The following PLCB1 variants were observed in gnomAD, a reference collection of about 807,000 sequenced individuals.
PLCB1 encodes 1-phosphatidylinositol 4,5-bisphosphate phosphodiesterase beta-1.
Under a neutral mutation model 161.8 loss-of-function variants are expected in PLCB1, and 46 were observed. The observed-to-expected ratio is 0.28, with a 90% CI of 0.22 to 0.36. The LOEUF (loss-of-function observed/expected upper bound fraction) is 0.36, where lower values mean the gene tolerates loss of function less well. Ranked by LOEUF, PLCB1 falls within the 10% of genes least tolerant of loss-of-function variation. The pLI, the probability that PLCB1 is intolerant of heterozygous loss-of-function variation, is 1.00. For synonymous variants in PLCB1, 517 were observed against 503.7 expected (o/e 1.03, Z -0.35); for missense variants, 1,016 against 1,472.5 (o/e 0.69, Z 5.07).
At chr20:8,410,869 A>AGAG (rs1979012868) in intron 3 of PLCB1, among the ~76,000 whole-genome samples, 1 of 152,300 alleles carries the variant, frequency 6.6e-6, no homozygotes, top group East Asian at 1.9e-4. Flanking sequence ...TGACACAGAC[A>AGAG]GAGGAGGAGG....
At chr20:8,702,115 T>C (rs1978399285) in intron 11 of PLCB1, among the ~76,000 whole-genome samples, 1 of 152,234 alleles carries the variant, frequency 6.6e-6, no homozygotes, top group African/African-American at 2.4e-5. Flanking sequence ...CCCTGTTTAC[T>C]GTATGGGTCA....
At chr20:8,201,885 C>T (rs993950851) in intron 2 of PLCB1, among the ~76,000 whole-genome samples, 3 of 152,086 alleles carry the variant, frequency 2.0e-5, no homozygotes, top group Non-Finnish European at 4.4e-5. Context: ...CACAGTTTAC[C>T]TACAACATGA....
chr20:8,342,538 G>C lies in PLCB1; in HGVS notation c.178-28844G>C, dbSNP rs139450727. On this transcript the variant is annotated intron_variant, in intron 2 of 31. Coordinates refer to ENST00000338037, the MANE Select transcript of PLCB1 (RefSeq NM_015192.4). ...TCCCACCTGTTCAGTTCCATCTCCAGGATGAACTTTGCCTTCATTACATGA... is the reference window on the plus strand; with the variant it reads ...TCCCACCTGTTCAGTTCCATCTCCACGATGAACTTTGCCTTCATTACATGA... Among the ~76,000 whole-genome samples, 79 of 152,254 alleles carry C rather than the reference G, an allele frequency of 5.2e-4. 1 individual carries two copies. The highest frequency in any genetic ancestry group is 1.7e-3 in the African/African-American group (72 of 41,560).
At chr20:8,732,737 AGAATG>A (rs1980330697) in intron 18 of PLCB1, among the ~76,000 whole-genome samples, 1 of 144,564 alleles carries the variant, frequency 6.9e-6, no homozygotes, top group Non-Finnish European at 1.5e-5. Context: ...AATATATATT[AGAATG>A]ATATATTTAA....
chr20:8,145,461 C>A (rs1600196441), intron 1 of PLCB1, among the ~76,000 whole-genome samples: 1 of 152,176 alleles, frequency 6.6e-6, no homozygotes, highest in East Asian at 1.9e-4. Context: ...TGGTGACATA[C>A]CTCCGCCTGG....
intron 31 of PLCB1, among the ~76,000 whole-genome samples, chr20:8,877,505 C>A (rs1473673245): frequency 6.6e-6 from 1 of 152,128 alleles, no homozygotes; most frequent in African/African-American, 2.4e-5. Flanking sequence ...GTTTGTACTC[C>A]CTTTAGACAG....
chr20:8,627,836 G>A (rs1325722136), intron 3 of PLCB1, among the ~76,000 whole-genome samples: 2 of 152,232 alleles, frequency 1.3e-5, no homozygotes, highest in Non-Finnish European at 2.9e-5. Context: ...AGTACTGACT[G>A]TTGGAGCAGG....
chr20:8,730,949 G>T (rs1275496391), intron 18 of PLCB1, among the ~76,000 whole-genome samples: 2 of 151,314 alleles, frequency 1.3e-5, no homozygotes, highest in East Asian at 1.9e-4. Context: ...CCTATTTTTT[G>T]CAGTACATTC....
At chr20:8,648,160 T>A (rs1346165444) in intron 6 of PLCB1, among the ~76,000 whole-genome samples, 1 of 152,146 alleles carries the variant, frequency 6.6e-6, no homozygotes, top group African/African-American at 2.4e-5. Context: ...CTGGCATTAT[T>A]TTCAAGAAAT....
chr20:8,775,491 A>G (rs1021418754), intron 27 of PLCB1, among the ~76,000 whole-genome samples: 2 of 152,172 alleles, frequency 1.3e-5, no homozygotes, highest in African/African-American at 4.8e-5. Flanking sequence ...TAAGCTGTCT[A>G]TTTCTTTGCT....
chr20:8,601,377 C>T (rs1397559361), intron 3 of PLCB1, among the ~76,000 whole-genome samples: 2 of 152,164 alleles, frequency 1.3e-5, no homozygotes, highest in African/African-American at 4.8e-5. Flanking sequence ...TCCTCCCACC[C>T]TGCACCCTCT....
intron 3 of PLCB1, among the ~76,000 whole-genome samples, chr20:8,625,756 A>G (rs1013422036): frequency 6.6e-6 from 1 of 152,152 alleles, no homozygotes; most frequent in African/African-American, 2.4e-5. Flanking sequence ...CCAGATGTAG[A>G]ATCATGTGGT....
chr20:8,327,511 A>G (rs923130920), intron 2 of PLCB1, among the ~76,000 whole-genome samples: 1 of 152,222 alleles, frequency 6.6e-6, no homozygotes, highest in Non-Finnish European at 1.5e-5. Context: ...CAAGAGTTCA[A>G]CCAACAGACT....
In PLCB1 at chr20:8,708,763, A is replaced by G; in HGVS notation, c.1250+11A>G. On this transcript the variant is annotated intron_variant, in intron 12 of 31. Transcript: ENST00000338037. The stretch of plus-strand genomic sequence containing the variant: ...GAACCATGTGGATTCGTAAGTATTC[A>G]ACACATTCAGGAATGAGTCTTTTTC... The G allele has an allele frequency of 1.9e-6, 3 of 1,564,368 alleles. No individual in the cohort carries two copies. Among genetic ancestry groups the G allele is most frequent in the Non-Finnish European group, 1.8e-6 (2 of 1,135,034 alleles).
chr20:8,669,917 A>C (rs1202127017), intron 9 of PLCB1, among the ~76,000 whole-genome samples: 2 of 152,254 alleles, frequency 1.3e-5, no homozygotes, highest in Admixed American at 1.3e-4. Flanking sequence ...GCCAATGTCC[A>C]ATTTGATCAA....
intron 3 of PLCB1, among the ~76,000 whole-genome samples, chr20:8,586,944 G>A (rs1484105874): frequency 1.3e-5 from 2 of 152,014 alleles, no homozygotes; most frequent in South Asian, 2.1e-4. Flanking sequence ...TCCTAGCCTC[G>A]CATTTTAGTT....
chr20:8,211,711 CAGA>C (rs1466527890), intron 2 of PLCB1, among the ~76,000 whole-genome samples: 2 of 152,064 alleles, frequency 1.3e-5, no homozygotes, highest in Non-Finnish European at 2.9e-5. Flanking sequence ...TGTTTTAGAG[CAGA>C]AGATGTATTC....
At chr20:8,590,242 C>T (rs1225008077) in intron 3 of PLCB1, among the ~76,000 whole-genome samples, 1 of 152,126 alleles carries the variant, frequency 6.6e-6, no homozygotes, top group Non-Finnish European at 1.5e-5. Flanking sequence ...CAAGGAAATT[C>T]CCAGCACAAT....
intron 3 of PLCB1, among the ~76,000 whole-genome samples, chr20:8,394,473 G>C (rs536173069): frequency 2.0e-5 from 3 of 152,230 alleles, no homozygotes; most frequent in African/African-American, 7.2e-5. Flanking sequence ...GTGAGGCTTT[G>C]CTTCTGTATC....
Sources: gnomAD v4.1 joint callset for allele counts (sites outside exome capture counted in the v4.1 genomes callset) on GRCh38, gnomAD v4.1.1 for gene constraint, MANE v1.5 for transcripts, NCBI Gene and HGNC (gene_info 2026-07-23, HGNC 2026-07-21) for gene names.